R3HDM1: variants seen among roughly 807,000 people sequenced by gnomAD.
R3HDM1 encodes R3H domain-containing protein 1.
A neutral mutation model predicts 141.1 loss-of-function variants in R3HDM1; 46 were observed. The ratio of observed to expected loss-of-function variants is 0.33; its 90% CI spans 0.26 to 0.42. The LOEUF (loss-of-function observed/expected upper bound fraction) is 0.42. Among genes scored for constraint, R3HDM1 ranks in the 10% least tolerant of loss-of-function variants. The pLI, the probability that R3HDM1 is intolerant of heterozygous loss-of-function variation, is 1.00. For synonymous variants in R3HDM1, 435 were observed against 472.9 expected (o/e 0.92, Z 1.04); for missense variants, 1,184 against 1,368.3 (o/e 0.87, Z 2.12).
At chr2:135,704,436 G>A (rs1372078999) in intron 21 of R3HDM1, among the ~76,000 whole-genome samples, 1 of 150,652 alleles carries the variant, frequency 6.6e-6, no homozygotes, top group African/African-American at 2.4e-5. Context: ...TTTTCAAAAA[G>A]CATTTTAAAG....
In R3HDM1 at chr2:135,621,672, C is replaced by A; in HGVS notation, c.418+64C>A. ...GCTATCAGTAATTCCATCCTTTTCC[C>A]CTTGAATAATTATATATAGTATATC... On this transcript the variant is annotated intron_variant, in intron 6 of 26. Coordinates refer to ENST00000683871, the MANE Select transcript of R3HDM1 (RefSeq NM_001378107.1). 2.8e-6 allele frequency: 4 copies of A among 1,430,064 alleles called. No individual in the cohort carries two copies. In the South Asian group the frequency reaches 4.6e-5, roughly 17 times the overall value. The allele number at this position is 1,430,064 out of a possible 1,614,324, so 88.6% of individuals were successfully genotyped here.
intron 1 of R3HDM1, among the ~76,000 whole-genome samples, chr2:135,587,928 C>T (rs927463576): frequency 1.3e-5 from 2 of 152,076 alleles, no homozygotes; most frequent in South Asian, 4.2e-4. Flanking sequence ...TTCTCCCCCT[C>T]TCCCTCTACA....
At position 135,632,517 on chromosome 2, in the gene R3HDM1, A is replaced by G. The variant is rs775874478; in HGVS notation, c.698+516A>G. Among the ~76,000 whole-genome samples the G allele has an allele frequency of 4.6e-4, 70 of 152,120 alleles. 1 individual carries two copies. The highest frequency in any genetic ancestry group is 1.9e-4 in the East Asian group (1 of 5,200). On this transcript the variant is annotated intron_variant, in intron 9 of 26. Coordinates refer to ENST00000683871, the MANE Select transcript of R3HDM1 (RefSeq NM_001378107.1). ...ATTAGTGCTGTCTTCTTCCTGGGCT[A>G]TGTATGATTCTCCGGAGGAGCTTTT...
chr2:135,654,863 AGTGTGTGTGTGT>A lies in R3HDM1; in HGVS notation c.2028+2860_2028+2871del, dbSNP rs60593262. On this transcript the variant is annotated intron_variant, in intron 18 of 26. Transcript: ENST00000683871. ...TTTTTTGGAGTATGTGTGTATATAA[AGTGTGTGTGTGT>A]GTGTGTGTGTGTGTGTGTGTGTGTG... 9.2e-3 allele frequency among the ~76,000 whole-genome samples: 1,258 copies of A among 136,710 alleles called. 10 individuals are homozygous for A. Among genetic ancestry groups the A allele is most frequent in the Middle Eastern group, 0.043 (12 of 282 alleles). 89.7% of individuals were successfully genotyped at this position (136,710 alleles called of 152,430 possible). A position where few individuals can be genotyped will look rare whatever the true frequency, so the allele number is the denominator to read the frequency against.
intron 3 of R3HDM1, among the ~76,000 whole-genome samples, chr2:135,613,852 C>T (rs2060775136): frequency 6.6e-6 from 1 of 152,084 alleles, no homozygotes; most frequent in African/African-American, 2.4e-5. Flanking sequence ...TTAGCAGTAC[C>T]TTGATTTGTG....
intron 19 of R3HDM1, 116 bp downstream of exon 19, chr2:135,661,509 A>G: frequency 7.6e-7 from 1 of 1,313,130 alleles, no homozygotes; most frequent in South Asian, 1.4e-5. Flanking sequence ...ATATGTTCAT[A>G]CATATGAGTT....
At chr2:135,543,675 T>TA (rs965833265) in intron 1 of R3HDM1, among the ~76,000 whole-genome samples, 13 of 152,212 alleles carry the variant, frequency 8.5e-5, no homozygotes, top group African/African-American at 3.1e-4. Context: ...CAAAATAACT[T>TA]AAAAAAGAAG....
At chr2:135,659,835 G>A (rs1364664169) in intron 18 of R3HDM1, among the ~76,000 whole-genome samples, 1 of 152,162 alleles carries the variant, frequency 6.6e-6, no homozygotes, top group African/African-American at 2.4e-5. Flanking sequence ...TTTATATACT[G>A]TCTGCTATAC....
At chr2:135,693,841 C>T (rs904096272) in intron 21 of R3HDM1, among the ~76,000 whole-genome samples, 7 of 151,938 alleles carry the variant, frequency 4.6e-5, no homozygotes, top group Admixed American at 3.3e-4. Context: ...AACCACATCT[C>T]CTAAAAATAC....
chr2:135,573,829 G>C (rs1306665009), intron 1 of R3HDM1, among the ~76,000 whole-genome samples: 1 of 152,158 alleles, frequency 6.6e-6, no homozygotes, highest in Admixed American at 6.5e-5. Flanking sequence ...TATACTAACA[G>C]AAGAGGGCAC....
At chr2:135,657,962 G>A (rs1458254824) in intron 18 of R3HDM1, among the ~76,000 whole-genome samples, 2 of 152,158 alleles carry the variant, frequency 1.3e-5, no homozygotes, top group Non-Finnish European at 2.9e-5. Context: ...GTCACAAAGT[G>A]TATTTACACA....
At position 135,667,876 on chromosome 2, in the gene R3HDM1, A is replaced by G. The variant is rs1574872427; in HGVS notation, c.2152+6483A>G. The G allele has an allele frequency of 2.3e-5, 13 of 555,094 alleles. No homozygotes were observed. The South Asian group carries it at 8.8e-4, about 38-fold the overall frequency. 34.4% of individuals were successfully genotyped at this position (555,094 alleles called of 1,614,324 possible). A position where few individuals can be genotyped will look rare whatever the true frequency, so the allele number is the denominator to read the frequency against. Reference sequence around the variant, plus strand: ...AATAATTAGACAAGGAACCTAACCTACAATGCCACTTCTCTAGGTGTCACT... The same window carrying G: ...AATAATTAGACAAGGAACCTAACCTGCAATGCCACTTCTCTAGGTGTCACT... On this transcript the variant is annotated intron_variant, in intron 19 of 26. Transcript: ENST00000683871.
Position 135,665,318 on chromosome 2 carries a change from T to TTTA in R3HDM1, c.2152+3931_2152+3933dup, listed in dbSNP as rs569675134. On this transcript the variant is annotated intron_variant, in intron 19 of 26. Coordinates refer to ENST00000683871, the MANE Select transcript of R3HDM1 (RefSeq NM_001378107.1). ...AGCCCTAGCTGTTTTCTGTGTAGCT[T>TTTA]TTATTATTCTTATGACTCTTGACAA... 1.2e-3 allele frequency: 559 copies of TTTA among 468,870 alleles called. 3 individuals are homozygous for TTTA. The highest frequency in any genetic ancestry group is 0.01 in the African/African-American group (508 of 49,786). 29.0% of individuals were successfully genotyped at this position (468,870 alleles called of 1,614,324 possible). A position where few individuals can be genotyped will look rare whatever the true frequency, so the allele number is the denominator to read the frequency against.
intron 1 of R3HDM1, among the ~76,000 whole-genome samples, chr2:135,584,953 A>C (rs2105040742): frequency 6.6e-6 from 1 of 152,306 alleles, no homozygotes; most frequent in Non-Finnish European, 1.5e-5. Context: ...TCTGAGAAAA[A>C]AATCATTTAT....
chr2:135,661,448 A>T (rs1017175186), intron 19 of R3HDM1, 55 bp downstream of exon 19: 1 of 1,579,688 alleles, frequency 6.3e-7, no homozygotes, highest in Non-Finnish European at 8.7e-7. Context: ...TCCATCTTCT[A>T]TTTCAGTGTT....
intron 18 of R3HDM1, among the ~76,000 whole-genome samples, chr2:135,652,953 A>G (rs1470117025): frequency 6.6e-6 from 1 of 151,600 alleles, no homozygotes; most frequent in African/African-American, 2.4e-5. Flanking sequence ...TTAGGATCTT[A>G]GTGGTATCCC....
At chr2:135,557,386 T>C (rs931888670) in intron 1 of R3HDM1, among the ~76,000 whole-genome samples, 7 of 152,184 alleles carry the variant, frequency 4.6e-5, no homozygotes, top group African/African-American at 1.4e-4. Flanking sequence ...TCCTGCACTT[T>C]AAATTGTAAG....
intron 1 of R3HDM1, 111 bp downstream of exon 1, chr2:135,531,744 G>A (rs1694752430): frequency 1.0e-6 from 1 of 985,670 alleles, no homozygotes; most frequent in African/African-American, 1.7e-5. Context: ...AGGCAGGGGA[G>A]AGATGTGGTG....
At chr2:135,560,005 A>G (rs1269762601) in intron 1 of R3HDM1, among the ~76,000 whole-genome samples, 1 of 152,226 alleles carries the variant, frequency 6.6e-6, no homozygotes, top group Non-Finnish European at 1.5e-5. Context: ...TTACTAAATC[A>G]ATTCAGTGAG....
Sources: gnomAD v4.1 joint callset for allele counts (sites outside exome capture counted in the v4.1 genomes callset) on GRCh38, gnomAD v4.1.1 for gene constraint, MANE v1.5 for transcripts, NCBI Gene and HGNC (gene_info 2026-07-23, HGNC 2026-07-21) for gene names.